Variants in DSCAML1 observed in about 807,000 individuals in gnomAD.
DSCAML1 encodes DS cell adhesion molecule like 1, also known as cell adhesion molecule DSCAML1.
Under a neutral mutation model 200.5 loss-of-function variants are expected in DSCAML1, and 38 were observed. That is an observed-to-expected ratio of 0.19 (90% CI 0.15 to 0.25). The LOEUF (loss-of-function observed/expected upper bound fraction) is 0.25, where lower values mean the gene tolerates loss of function less well. Among genes scored for constraint, DSCAML1 ranks in the 10% least tolerant of loss-of-function variants. DSCAML1 has a pLI of 1.00. For synonymous variants in DSCAML1, 1,215 were observed against 1,165.0 expected, an observed-to-expected ratio of 1.04 and a Z score of -0.87; for missense variants, 2,223 against 2,858.8, an observed-to-expected ratio of 0.78 and a Z score of 5.07.
At chr11:117,795,139 TC>T (rs1284372293) in intron 1 of DSCAML1, among the ~76,000 whole-genome samples, 2 of 152,146 alleles carry the variant, frequency 1.3e-5, no homozygotes, top group African/African-American at 2.4e-5. Flanking sequence ...GAGGGGAGTG[TC>T]CTTCAGGTAT....
chr11:117,773,529 G>GCACACACACA lies in DSCAML1; in HGVS notation c.511+3252_511+3261dup, dbSNP rs59492776. The stretch of plus-strand genomic sequence containing the variant: ...CCATCCAGCCTCCTCACCTCAAAAT[G>GCACACACACA]CACACACACACACACACACACACAC... On this transcript the variant is annotated intron_variant, in intron 3 of 32. Transcript: ENST00000651296. 8.7e-4 allele frequency among the ~76,000 whole-genome samples: 126 copies of GCACACACACA among 144,584 alleles called. 1 individual carries two copies. Among genetic ancestry groups the GCACACACACA allele is most frequent in the East Asian group, 2.9e-3 (14 of 4,838 alleles). The allele number at this position is 144,584 out of a possible 152,430, so 94.9% of individuals were successfully genotyped here. A position where few individuals can be genotyped will look rare whatever the true frequency, so the allele number is the denominator to read the frequency against.
intron 3 of DSCAML1, among the ~76,000 whole-genome samples, chr11:117,659,033 C>T (rs567047147): frequency 3.3e-5 from 5 of 152,298 alleles, no homozygotes; most frequent in South Asian, 2.1e-4. Flanking sequence ...CTCTGACCCA[C>T]GATTCCTTCC....
Position 117,433,148 on chromosome 11 carries a change from G to T in DSCAML1, c.5016C>A (p.Ile1672=), listed in dbSNP as rs773126209. 44 of 1,613,628 alleles carry T rather than the reference G, an allele frequency of 2.7e-5. No homozygotes were observed. Among genetic ancestry groups the T allele is most frequent in the Non-Finnish European group, 3.5e-5 (41 of 1,179,768 alleles). The stretch of plus-strand genomic sequence containing the variant: ...GCACCTGTCACTCACCCAGTTGCTT[G>T]ATGCCTTCTTTGTCCTCGATGAGCA... The part of the protein sequence containing the change: ...VQLLIEDKEG[I]KQLGDDKATI... Residue 1672 remains isoleucine (I), a synonymous_variant, in exon 29 of 33, where the codon ATC becomes ATA. Coordinates refer to ENST00000651296, the MANE Select transcript of DSCAML1 (RefSeq NM_020693.4).
chr11:117,777,761 G>A (rs1424800534), intron 2 of DSCAML1, among the ~76,000 whole-genome samples: 1 of 152,072 alleles, frequency 6.6e-6, no homozygotes, highest in Non-Finnish European at 1.5e-5. Flanking sequence ...GGCTTCTAGG[G>A]CATTGCCAAC....
chr11:117,578,228 T>G (rs2050982166), intron 3 of DSCAML1, among the ~76,000 whole-genome samples: 1 of 109,336 alleles, frequency 9.1e-6, no homozygotes. Flanking sequence ...AGAGCGAAAC[T>G]CTGTCTCGAA....
At position 117,467,509 on chromosome 11, in the gene DSCAML1, G is replaced by GT. The variant is rs201551791; in HGVS notation, c.3025-2328dup. 1.2e-4 allele frequency among the ~76,000 whole-genome samples: 18 copies of GT among 150,938 alleles called. 1 individual carries two copies. The highest frequency in any genetic ancestry group is 6.9e-3 in the Middle Eastern group (2 of 290). Reference sequence around the variant, plus strand: ...ATTAAGTTAGTAAAACAGCACTACTGTTTTTTTTTCTAGTCAATGAATGTT... The same window carrying GT: ...ATTAAGTTAGTAAAACAGCACTACTGTTTTTTTTTTCTAGTCAATGAATGTT... On this transcript the variant is annotated intron_variant, in intron 16 of 32. Coordinates refer to ENST00000651296, the MANE Select transcript of DSCAML1 (RefSeq NM_020693.4).
chr11:117,728,437 G>A (rs1445554259), intron 3 of DSCAML1, among the ~76,000 whole-genome samples: 2 of 152,090 alleles, frequency 1.3e-5, no homozygotes, highest in African/African-American at 4.8e-5. Context: ...TCTCACCGGG[G>A]CAATTAGGCA....
intron 3 of DSCAML1, among the ~76,000 whole-genome samples, chr11:117,678,548 G>T (rs537518266): frequency 5.9e-5 from 9 of 152,342 alleles, no homozygotes; most frequent in Middle Eastern, 3.4e-3. Flanking sequence ...GAGCAGGGAA[G>T]GTTGGGGGGC....
chr11:117,769,671 G>A (rs1209420027), intron 3 of DSCAML1, among the ~76,000 whole-genome samples: 1 of 147,472 alleles, frequency 6.8e-6, no homozygotes. Context: ...ATAAGTTTAA[G>A]TTGTGGCTCC....
chr11:117,483,868 T>A (rs2048980893), intron 11 of DSCAML1, among the ~76,000 whole-genome samples: 1 of 152,112 alleles, frequency 6.6e-6, no homozygotes, highest in Non-Finnish European at 1.5e-5. Context: ...GGGCTGTCAT[T>A]GGCTGCAAGA....
chr11:117,740,438 A>T (rs1565255976), intron 3 of DSCAML1, among the ~76,000 whole-genome samples: 1 of 152,066 alleles, frequency 6.6e-6, no homozygotes, highest in Admixed American at 6.6e-5. Context: ...TTCTTAGGAG[A>T]TGGGACTTTC....
At chr11:117,788,072 A>G (rs533930730) in intron 1 of DSCAML1, among the ~76,000 whole-genome samples, 2 of 152,250 alleles carry the variant, frequency 1.3e-5, no homozygotes, top group African/African-American at 4.8e-5. Flanking sequence ...TTTATGTTGC[A>G]TCTTGGAAAC....
At chr11:117,592,448 C>T (rs2051276521) in intron 3 of DSCAML1, among the ~76,000 whole-genome samples, 2 of 152,100 alleles carry the variant, frequency 1.3e-5, no homozygotes, top group South Asian at 2.1e-4. Flanking sequence ...TGCCTGGAAG[C>T]CCCCTGAGGG....
At chr11:117,452,399 A>G (rs1220456840) in intron 19 of DSCAML1, among the ~76,000 whole-genome samples, 2 of 152,174 alleles carry the variant, frequency 1.3e-5, no homozygotes, top group Admixed American at 1.3e-4. Context: ...TTTGCCTTAT[A>G]GTATGTCTGA....
intron 21 of DSCAML1, among the ~76,000 whole-genome samples, chr11:117,442,149 G>A (rs61905271): frequency 0.015 from 2,265 of 151,996 alleles, 23 homozygotes; most frequent in Middle Eastern, 0.024. Context: ...GTGTGTATGC[G>A]TGTGTATATG....
intron 20 of DSCAML1, among the ~76,000 whole-genome samples, chr11:117,447,155 A>C (rs143927313): frequency 1.5e-3 from 226 of 152,194 alleles, no homozygotes; most frequent in African/African-American, 5.0e-3. Context: ...AGGCGTGGTG[A>C]TGTGTGCCTG....
Position 117,538,022 on chromosome 11 carries a change from C to T in DSCAML1, c.512-5500G>A, listed in dbSNP as rs563160811. ...TCTCTCAGACCCTCAGTTTCCCATC[C>T]GTAAAAAGAGGGGAATTTGGATTTG... On this transcript the variant is annotated intron_variant, in intron 3 of 32. Transcript: ENST00000651296. Among the ~76,000 whole-genome samples the T allele has an allele frequency of 7.9e-5, 12 of 152,286 alleles. 1 individual carries two copies. The highest frequency in any genetic ancestry group is 4.2e-4 in the South Asian group (2 of 4,818).
At chr11:117,461,927 A>T (rs1396602533) in intron 17 of DSCAML1, among the ~76,000 whole-genome samples, 1 of 152,186 alleles carries the variant, frequency 6.6e-6, no homozygotes, top group Non-Finnish European at 1.5e-5. Context: ...CCAACAGGCC[A>T]CCACGACCCA....
At chr11:117,527,889 C>T (rs906430140) in intron 4 of DSCAML1, among the ~76,000 whole-genome samples, 2 of 152,122 alleles carry the variant, frequency 1.3e-5, no homozygotes, top group African/African-American at 2.4e-5. Context: ...AGAAGGAGCC[C>T]GGGTTGGGAA....
Sources: allele counts gnomAD v4.1 joint callset (sites outside exome capture counted in the v4.1 genomes callset), GRCh38; gene constraint gnomAD v4.1.1; transcripts MANE v1.5; gene names NCBI Gene and HGNC (gene_info 2026-07-23, HGNC 2026-07-21).